SLC25A33: variants seen among roughly 807,000 people sequenced by gnomAD.
SLC25A33 encodes the protein solute carrier family 25 member 33.
SLC25A33 carries 15 observed loss-of-function variants against 35.5 expected under a neutral mutation model. The ratio of observed to expected loss-of-function variants is 0.42; its 90% confidence interval spans 0.28 to 0.65. The LOEUF is 0.65. Ranked by LOEUF, SLC25A33 falls within the 30% of genes least tolerant of loss-of-function variation. SLC25A33 has a pLI of 0.20. For synonymous variants in SLC25A33, 136 were observed against 148.7 expected, an observed-to-expected ratio of 0.91 and a Z score of 0.62; for missense variants, 257 against 398.5, an observed-to-expected ratio of 0.64 and a Z score of 3.02.
At position 9,539,760 on chromosome 1, in the gene SLC25A33, G is replaced by A; in HGVS notation, c.56+13G>A. The A allele has an allele frequency of 7.3e-7, 1 of 1,373,288 alleles. No homozygotes were observed. Among genetic ancestry groups the A allele is most frequent in the Admixed American group, 2.9e-5 (1 of 34,020 alleles). The allele number at this position is 1,373,288 out of a possible 1,614,324, so 85.1% of individuals were successfully genotyped here. On this transcript the variant is annotated intron_variant, in intron 1 of 6. Coordinates refer to ENST00000302692, the MANE Select transcript of SLC25A33 (RefSeq NM_032315.3). ...TCTTCGCCGGCGGGTGAGTTCCCGG[G>A]CCCAGCCGCGCGCGCCCCACCGCCT... is the stretch of plus-strand genomic sequence containing the variant.
intron 1 of SLC25A33, among the ~76,000 whole-genome samples, chr1:9,539,951 A>G (rs1004216227): frequency 1.3e-5 from 2 of 151,928 alleles, no homozygotes; most frequent in African/African-American, 4.8e-5. Flanking sequence ...CTACGTCCTG[A>G]CCGCAGCCCC....
chr1:9,579,927 CA>C, intron 5 of SLC25A33, 26 bp from the exon 6 acceptor site: 1 of 1,596,934 alleles, frequency 6.3e-7, no homozygotes, highest in East Asian at 2.2e-5. Flanking sequence ...GTCTCCTTAA[CA>C]GCCTGTGTTG....
At chr1:9,567,218 C>T in intron 2 of SLC25A33, 66 bp from the exon 3 acceptor site, 1 of 1,327,564 alleles carries the variant, frequency 7.5e-7, no homozygotes, top group Non-Finnish European at 1.1e-6. Context: ...AGAAGGTTGA[C>T]TCTTTATCAT....
chr1:9,553,203 GT>G (rs550067186), intron 1 of SLC25A33, among the ~76,000 whole-genome samples: 748 of 56,496 alleles, frequency 0.013, 20 homozygotes, highest in Non-Finnish European at 0.018. Context: ...TTCTAGTTTT[GT>G]TTTTTTTTTT....
At chr1:9,552,116 G>A (rs1643274540) in intron 1 of SLC25A33, among the ~76,000 whole-genome samples, 1 of 152,166 alleles carries the variant, frequency 6.6e-6, no homozygotes, top group African/African-American at 2.4e-5. Flanking sequence ...ATTGGCTTAG[G>A]GGAACCCTGA....
intron 3 of SLC25A33, among the ~76,000 whole-genome samples, chr1:9,568,403 C>T (rs543168152): frequency 3.3e-5 from 5 of 152,106 alleles, no homozygotes; most frequent in East Asian, 3.9e-4. Flanking sequence ...GAGATCATGC[C>T]GCTTCACTGC....
intron 2 of SLC25A33, among the ~76,000 whole-genome samples, chr1:9,557,804 G>A (rs530335073): frequency 5.9e-5 from 9 of 152,128 alleles, no homozygotes; most frequent in African/African-American, 1.9e-4. Context: ...CACAATTTAC[G>A]TAAGACAGGA....
At position 9,570,965 on chromosome 1, in the gene SLC25A33, G is replaced by A. The variant is rs557665421; in HGVS notation, c.415+607G>A. Among the ~76,000 whole-genome samples the A allele has an allele frequency of 4.6e-5, 7 of 152,064 alleles. No individual in the cohort carries two copies. The East Asian group carries it at 7.8e-4, about 17-fold the overall frequency. On this transcript the variant is annotated intron_variant, in intron 4 of 6. Coordinates refer to ENST00000302692, the MANE Select transcript of SLC25A33 (RefSeq NM_032315.3). The stretch of plus-strand genomic sequence containing the variant: ...TGACCTCAAGTGATCCACCCTCCTC[G>A]GCCTCCCAGAGTGCTGGGATTACAG...
intron 2 of SLC25A33, 33 bp downstream of exon 2, chr1:9,553,838 C>T: frequency 1.3e-6 from 2 of 1,584,198 alleles, no homozygotes; most frequent in Non-Finnish European, 1.7e-6. Flanking sequence ...CTGCCACCTG[C>T]ACACCCTGTA....
At chr1:9,570,796 T>G (rs1203097819) in intron 4 of SLC25A33, among the ~76,000 whole-genome samples, 3 of 139,992 alleles carry the variant, frequency 2.1e-5, no homozygotes, top group Non-Finnish European at 4.6e-5. Context: ...CACTGCAGCC[T>G]CCTCCTCCCA....
In SLC25A33 at chr1:9,579,880, TCTC is replaced by T. The variant is rs1006868143; in HGVS notation, c.483-71_483-69del. The T allele has an allele frequency of 1.4e-5, 21 of 1,504,946 alleles. No individual in the cohort carries two copies. In the African/African-American group the frequency reaches 2.7e-4, roughly 19 times the overall value. 93.2% of individuals were successfully genotyped at this position (1,504,946 alleles called of 1,614,324 possible). Reference sequence around the variant, plus strand: ...CACCATAAGGAAGACCCGTACCTGTTCTCCTACTGTGTGATGTCTGTGTTCCAC... The same window carrying T: ...CACCATAAGGAAGACCCGTACCTGTTCTACTGTGTGATGTCTGTGTTCCAC... On this transcript the variant is annotated intron_variant, in intron 5 of 6. Coordinates refer to ENST00000302692, the MANE Select transcript of SLC25A33 (RefSeq NM_032315.3).
At chr1:9,550,013 T>TATG (rs1237314230) in intron 1 of SLC25A33, among the ~76,000 whole-genome samples, 39 of 28,714 alleles carry the variant, frequency 1.4e-3, no homozygotes, top group African/African-American at 4.8e-3. Flanking sequence ...ATATATATAT[T>TATG]TTTTTTTTTT....
Position 9,539,703 on chromosome 1 carries a change from C to T in SLC25A33, c.12C>T (p.Gly4=). The change falls in exon 1 of 7, where the codon GGC becomes GGT. Residue 4 remains glycine (G), a synonymous_variant. Transcript: ENST00000302692. Reference sequence around the variant, plus strand: ...GAGCCGGCGCGGCCATGGCGACGGGCGGCCAGCAGAAGGAGAACACGCTGC... The same window carrying T: ...GAGCCGGCGCGGCCATGGCGACGGGTGGCCAGCAGAAGGAGAACACGCTGC... MAT[G]GQQKENTLLH... The T allele has an allele frequency of 7.2e-7, 1 of 1,392,612 alleles. No homozygotes were observed. The highest frequency in any genetic ancestry group is 9.3e-7 in the Non-Finnish European group (1 of 1,072,152). The allele number at this position is 1,392,612 out of a possible 1,614,324, so 86.3% of individuals were successfully genotyped here. A position where few individuals can be genotyped will look rare whatever the true frequency, so the allele number is the denominator to read the frequency against.
At chr1:9,543,162 A>T (rs761517337) in intron 1 of SLC25A33, among the ~76,000 whole-genome samples, 12 of 145,070 alleles carry the variant, frequency 8.3e-5, no homozygotes, top group Non-Finnish European at 1.4e-4. Flanking sequence ...TTTATTTTTG[A>T]TACGGAGTTT....
At chr1:9,581,606 G>A (rs1643745543) in intron 6 of SLC25A33, among the ~76,000 whole-genome samples, 1 of 151,936 alleles carries the variant, frequency 6.6e-6, no homozygotes, top group Non-Finnish European at 1.5e-5. Flanking sequence ...GCAGGTGCCT[G>A]TAATCCCAGC....
chr1:9,545,618 G>T (rs1643155927), intron 1 of SLC25A33, among the ~76,000 whole-genome samples: 1 of 150,436 alleles, frequency 6.6e-6, no homozygotes, highest in Non-Finnish European at 1.5e-5. Flanking sequence ...GGCCAGGCTG[G>T]TCTTGAACTC....
At chr1:9,550,495 C>T (rs1421670501) in intron 1 of SLC25A33, among the ~76,000 whole-genome samples, 1 of 151,948 alleles carries the variant, frequency 6.6e-6, no homozygotes, top group Non-Finnish European at 1.5e-5. Flanking sequence ...GTTACGTTAT[C>T]GAACACAAAT....
Position 9,544,641 on chromosome 1 carries a change from A to G in SLC25A33, c.56+4894A>G, listed in dbSNP as rs1643141116. Reference sequence around the variant, plus strand: ...GAAAAGCACCTAATGTTTTTTAAATAGCACGATAGAGGTAGCAGGTGAAAT... The same window carrying G: ...GAAAAGCACCTAATGTTTTTTAAATGGCACGATAGAGGTAGCAGGTGAAAT... On this transcript the variant is annotated intron_variant, in intron 1 of 6. Transcript: ENST00000302692. Among the ~76,000 whole-genome samples the G allele has an allele frequency of 2.0e-5, 3 of 152,188 alleles. No homozygotes were observed. The South Asian group carries it at 6.2e-4, about 32-fold the overall frequency.
chr1:9,561,657 G>A (rs947183571), intron 2 of SLC25A33, among the ~76,000 whole-genome samples: 2 of 152,000 alleles, frequency 1.3e-5, no homozygotes, highest in Admixed American at 6.6e-5. Context: ...GTTCTTAACA[G>A]GCCTGAGTCA....
Sources: gnomAD v4.1 joint callset for allele counts (sites outside exome capture counted in the v4.1 genomes callset) on GRCh38, gnomAD v4.1.1 for gene constraint, MANE v1.5 for transcripts, NCBI Gene and HGNC (gene_info 2026-07-23, HGNC 2026-07-21) for gene names.